Variants in MEST observed in about 807,000 individuals in gnomAD.
The protein encoded by MEST is mesoderm-specific transcript homolog protein.
Under a neutral mutation model 50.9 loss-of-function variants are expected in MEST, and 18 were observed. That is an observed-to-expected ratio of 0.35 (90% CI 0.24 to 0.52). The LOEUF is 0.52. Ranked by LOEUF, MEST falls within the 20% of genes least tolerant of loss-of-function variation. MEST has a pLI of 0.94. For missense variants in MEST, 282 were observed against 425.3 expected (o/e 0.66, Z 2.96); for synonymous variants, 130 against 154.1 (o/e 0.84, Z 1.16).
At chr7:130,504,111 G>A (rs1164224858) in intron 11 of MEST, 115 bp downstream of exon 11, 5 of 726,872 alleles carry the variant, frequency 6.9e-6, no homozygotes, top group African/African-American at 5.3e-5. Context: ...CTCGCTGGCT[G>A]TTCATCCAGG....
At chr7:130,495,778 G>GTTGTTT in intron 2 of MEST, 2 of 188,928 alleles carry the variant, frequency 1.1e-5, no homozygotes, top group Non-Finnish European at 2.0e-5. Flanking sequence ...TCCAATATTA[G>GTTGTTT]TTTTTTTTTT....
chr7:130,487,262 A>G (rs1380416687), upstream of MEST: 3 of 152,144 alleles, frequency 2.0e-5, no homozygotes, highest in Non-Finnish European at 4.4e-5. Context: ...GAAAGGGTAA[A>G]GAGCTATAAA....
upstream of MEST, chr7:130,489,775 A>C (rs1798729810): frequency 6.6e-6 from 1 of 152,192 alleles, no homozygotes; most frequent in South Asian, 2.1e-4. Context: ...CAGACTTGGA[A>C]TTCCTGTTGT....
chr7:130,492,227 C>T lies in MEST; in HGVS notation c.-87C>T. 4 of 1,161,100 alleles carry T rather than the reference C, an allele frequency of 3.4e-6. No individual in the cohort carries two copies. The highest frequency in any genetic ancestry group is 6.8e-5 in the East Asian group (2 of 29,418). The allele number at this position is 1,161,100 out of a possible 1,614,324, so 71.9% of individuals were successfully genotyped here. ...GGCTGTGGGCTGCGGGCTGCGCCCC[C>T]GCTGCTGGCCAGCTCTGCACGGCTG... On this transcript the variant is annotated 5_prime_UTR_variant, in exon 1 of 12. Transcript: ENST00000223215. This position sits in a 1 kb window ranked among gnomAD's most constrained non-coding sequence, Gnocchi z 7.6.
chr7:130,486,397 T>A lies in MEST; in HGVS notation c.-2+2T>A, dbSNP rs1324936673. 6.6e-6 allele frequency: 1 copy of A among 152,232 alleles called. No individual in the cohort carries two copies. 9.4% of individuals were successfully genotyped at this position (152,232 alleles called of 1,614,324 possible). A position where few individuals can be genotyped will look rare whatever the true frequency, so the allele number is the denominator to read the frequency against. On this transcript the variant is annotated splice_donor_variant, in intron 1 of 11. Transcript: ENST00000341441. LOFTEE classifies it low-confidence loss of function (5UTR_SPLICE). ...TAGGCAAGGTCTTACCTGAATCAGGTAAGAGGCGGGCGGGGAAGGAGTGGA... is the reference window on the plus strand; with the variant it reads ...TAGGCAAGGTCTTACCTGAATCAGGAAAGAGGCGGGCGGGGAAGGAGTGGA...
chr7:130,506,071 A>G lies in MEST; in HGVS notation c.*1015A>G, dbSNP rs1444478809. The G allele has an allele frequency of 6.6e-6, 1 of 152,670 alleles. No individual in the cohort carries two copies. Among genetic ancestry groups the G allele is most frequent in the Non-Finnish European group, 1.5e-5 (1 of 68,060 alleles). The allele number at this position is 152,670 out of a possible 1,614,324, so 9.5% of individuals were successfully genotyped here. A position where few individuals can be genotyped will look rare whatever the true frequency, so the allele number is the denominator to read the frequency against. On this transcript the variant is annotated 3_prime_UTR_variant, in exon 12 of 12. Coordinates refer to ENST00000223215, the MANE Select transcript of MEST (RefSeq NM_002402.4). ...CTCAGTAATTCCTGTTACTTTACAGACAGGAAAGTTCCAGAAACTTTAAGA... is the reference window on the plus strand; with the variant it reads ...CTCAGTAATTCCTGTTACTTTACAGGCAGGAAAGTTCCAGAAACTTTAAGA...
At position 130,500,185 on chromosome 7, in the gene MEST, T is replaced by C. The variant is rs1464570795; in HGVS notation, c.576+270T>C. On this transcript the variant is annotated intron_variant, in intron 7 of 11. Coordinates refer to ENST00000223215, the MANE Select transcript of MEST (RefSeq NM_002402.4). This position sits in a 1 kb window ranked among gnomAD's most constrained non-coding sequence, Gnocchi z 5.0. ...GGAAAGATCTGTGTCACAAGCTTGA[T>C]GTTTGAACAAATTAGGATCCTACTC... 1.8e-6 allele frequency: 1 copy of C among 557,810 alleles called. No individual in the cohort carries two copies. Among genetic ancestry groups the C allele is most frequent in the Non-Finnish European group, 3.1e-6 (1 of 319,118 alleles). The allele number at this position is 557,810 out of a possible 1,614,324, so 34.6% of individuals were successfully genotyped here. A position where few individuals can be genotyped will look rare whatever the true frequency, so the allele number is the denominator to read the frequency against.
At chr7:130,504,752 GT>G (rs1554439441) in intron 11 of MEST, among the ~76,000 whole-genome samples, 186 bp from the exon 12 acceptor site, 1 of 152,200 alleles carries the variant, frequency 6.6e-6, no homozygotes, top group East Asian at 1.9e-4. Flanking sequence ...TTAAAAACTA[GT>G]TTGTATAAAT....
Position 130,505,088 on chromosome 7 carries a change from C to A in MEST, c.*32C>A, listed in dbSNP as rs201399253. 32 of 1,457,022 alleles carry A rather than the reference C, an allele frequency of 2.2e-5. 1 individual carries two copies. The highest frequency in any genetic ancestry group is 4.5e-4 in the Middle Eastern group (2 of 4,460). 90.3% of individuals were successfully genotyped at this position (1,457,022 alleles called of 1,614,324 possible). A position where few individuals can be genotyped will look rare whatever the true frequency, so the allele number is the denominator to read the frequency against. The stretch of plus-strand genomic sequence containing the variant: ...AAGAGTAGCTTCCCTGTATTACCTC[C>A]CCTACTCCCTTATGTGTTGTGTATT... On this transcript the variant is annotated 3_prime_UTR_variant, in exon 12 of 12. Coordinates refer to ENST00000223215, the MANE Select transcript of MEST (RefSeq NM_002402.4).
chr7:130,494,830 C>G lies in MEST; in HGVS notation c.27-538C>G, dbSNP rs549568428. The G allele has an allele frequency of 3.0e-6, 3 of 984,986 alleles. No homozygotes were observed. The Admixed American group carries it at 1.8e-4, about 61-fold the overall frequency. 61.0% of individuals were successfully genotyped at this position (984,986 alleles called of 1,614,324 possible). A position where few individuals can be genotyped will look rare whatever the true frequency, so the allele number is the denominator to read the frequency against. ...GGAGGGCTGAAAATCAGGAGTAGCT[C>G]TCTGCTTGAGGACATGTGATAAGTT... On this transcript the variant is annotated intron_variant, in intron 1 of 11. Coordinates refer to ENST00000223215, the MANE Select transcript of MEST (RefSeq NM_002402.4).
Position 130,506,040 on chromosome 7 carries a change from A to G in MEST, c.*984A>G, listed in dbSNP as rs1584955284. 1 of 152,606 alleles carries G rather than the reference A, an allele frequency of 6.6e-6. No homozygotes were observed. The highest frequency in any genetic ancestry group is 1.5e-5 in the Non-Finnish European group (1 of 68,042). The allele number at this position is 152,606 out of a possible 1,614,324, so 9.5% of individuals were successfully genotyped here. ...CTGCCTGTCCCAGAGAGGCTTTCCA[A>G]TGTAGCTCAGTAATTCCTGTTACTT... On this transcript the variant is annotated 3_prime_UTR_variant, in exon 12 of 12. Coordinates refer to ENST00000223215, the MANE Select transcript of MEST (RefSeq NM_002402.4).
Position 130,492,403 on chromosome 7 carries a change from G to A in MEST, c.26+64G>A, listed in dbSNP as rs1320828428. The A allele has an allele frequency of 1.1e-5, 13 of 1,218,834 alleles. No individual in the cohort carries two copies. Among genetic ancestry groups the A allele is most frequent in the Middle Eastern group, 2.1e-4 (1 of 4,804 alleles). The allele number at this position is 1,218,834 out of a possible 1,614,324, so 75.5% of individuals were successfully genotyped here. ...CCCTGGGACTAGGGCGCAGGCGAGC[G>A]GAGGACTGTGTGCCCGTGTCCGAGC... On this transcript the variant is annotated intron_variant, in intron 1 of 11. Coordinates refer to ENST00000223215, the MANE Select transcript of MEST (RefSeq NM_002402.4). This position sits in a 1 kb window ranked among gnomAD's most constrained non-coding sequence, Gnocchi z 7.6.
Position 130,500,942 on chromosome 7 carries a change from T to G in MEST, c.749+52T>G. Reference sequence around the variant, plus strand: ...TCCAGAGACGTGTTTTTGTGGAGAGTGGGGATTGCTTGTTCTGTTCCTTGC... The same window carrying G: ...TCCAGAGACGTGTTTTTGTGGAGAGGGGGGATTGCTTGTTCTGTTCCTTGC... On this transcript the variant is annotated intron_variant, in intron 9 of 11. Transcript: ENST00000223215. This position sits in a 1 kb window ranked among gnomAD's most constrained non-coding sequence, Gnocchi z 5.0. 6.7e-7 allele frequency: 1 copy of G among 1,481,624 alleles called. No homozygotes were observed. The highest frequency in any genetic ancestry group is 1.2e-5 in the South Asian group (1 of 83,588). 91.8% of individuals were successfully genotyped at this position (1,481,624 alleles called of 1,614,324 possible).
At chr7:130,488,264 A>G (rs1307216816), upstream of MEST, 1 of 152,296 alleles carries the variant, frequency 6.6e-6, no homozygotes, top group Admixed American at 6.5e-5. Context: ...CCATACCAAA[A>G]TGGCTGAGCC....
intron 2 of MEST, chr7:130,496,094 A>G: frequency 4.2e-6 from 2 of 471,606 alleles, no homozygotes; most frequent in Middle Eastern, 3.3e-4. Flanking sequence ...AAACTGAGAA[A>G]CAGATTGGAA....
upstream of MEST, chr7:130,491,035 G>A (rs1157731150): frequency 6.6e-6 from 1 of 152,270 alleles, no homozygotes; most frequent in African/African-American, 2.4e-5. The surrounding 1 kb of genome is among the most constrained non-coding windows in gnomAD (Gnocchi z 6.8). Context: ...TCTGGATGCA[G>A]CGGGCACCGG....
chr7:130,498,078 G>C, intron 4 of MEST, 61 bp from the exon 5 acceptor site: 1 of 1,613,944 alleles, frequency 6.2e-7, no homozygotes, highest in Non-Finnish European at 8.5e-7. Context: ...TGAGGGTCAG[G>C]CTGGCAGAGA....
In MEST at chr7:130,498,494, T is replaced by C. The variant is rs959572079; in HGVS notation, c.535+17T>C. The C allele has an allele frequency of 3.7e-5, 59 of 1,613,130 alleles. 1 individual carries two copies. The Admixed American group carries it at 9.8e-4, about 27-fold the overall frequency. On this transcript the variant is annotated intron_variant, in intron 6 of 11. Coordinates refer to ENST00000223215, the MANE Select transcript of MEST (RefSeq NM_002402.4). ...CAAATGGAGGTAATTGCCTTGGCGG[T>C]AGGTAGAAAGTGGGTGTAATCTAGA... is the stretch of plus-strand genomic sequence containing the variant.
chr7:130,502,762 A>G, intron 10 of MEST, 42 bp downstream of exon 10: 2 of 1,469,628 alleles, frequency 1.4e-6, no homozygotes, highest in South Asian at 1.1e-5. Context: ...GAAGGACTAT[A>G]GGGTTAAAGT....
Sources: gnomAD v4.1 joint callset for allele counts (sites outside exome capture counted in the v4.1 genomes callset) on GRCh38, gnomAD v4.1.1 for gene constraint, Gnocchi (gnomAD v3.1) non-coding constraint, MANE v1.5 for transcripts, NCBI Gene and HGNC (gene_info 2026-07-23, HGNC 2026-07-21) for gene names.